The following BAIAP2L1 variants were observed in gnomAD, a reference collection of about 807,000 sequenced individuals.
BAIAP2L1 encodes the protein BAR/IMD domain-containing adapter protein 2-like 1.
In BAIAP2L1, 35 loss-of-function variants were observed where a neutral mutation model predicts 66.3. The ratio of observed to expected loss-of-function variants is 0.53; its 90% CI spans 0.40 to 0.70. The LOEUF is 0.70. Ranked by LOEUF, BAIAP2L1 falls within the 30% of genes least tolerant of loss-of-function variation. The pLI, the probability that BAIAP2L1 is intolerant of heterozygous loss-of-function variation, is 0.00. For missense variants in BAIAP2L1, 622 were observed against 656.9 expected (o/e 0.95, Z 0.58); for synonymous variants, 269 against 248.7 (o/e 1.08, Z -0.77).
intron 3 of BAIAP2L1, among the ~76,000 whole-genome samples, chr7:98,352,315 G>T (rs1272953073): frequency 6.6e-6 from 1 of 152,096 alleles, no homozygotes; most frequent in Non-Finnish European, 1.5e-5. Flanking sequence ...AAATAAAACA[G>T]AAAGTTATTT....
At chr7:98,363,631 G>T (rs1802322491) in intron 1 of BAIAP2L1, among the ~76,000 whole-genome samples, 1 of 152,172 alleles carries the variant, frequency 6.6e-6, no homozygotes, top group Non-Finnish European at 1.5e-5. Context: ...ACGGTACTCA[G>T]ACTTCACGAC....
At chr7:98,352,534 C>T (rs1216654391) in intron 3 of BAIAP2L1, among the ~76,000 whole-genome samples, 1 of 152,060 alleles carries the variant, frequency 6.6e-6, no homozygotes, top group Admixed American at 6.6e-5. Flanking sequence ...CCCAGTTGCT[C>T]AGAAGGCTGA....
At chr7:98,368,908 C>T (rs1331330401) in intron 1 of BAIAP2L1, among the ~76,000 whole-genome samples, 1 of 151,352 alleles carries the variant, frequency 6.6e-6, no homozygotes, top group Non-Finnish European at 1.5e-5. Context: ...TTTGACAATT[C>T]CAAGCAAAGC....
chr7:98,393,021 A>ATGTGTGTGTT (rs1562795720), intron 1 of BAIAP2L1, among the ~76,000 whole-genome samples: 2 of 134,806 alleles, frequency 1.5e-5, no homozygotes, highest in South Asian at 2.5e-4. Context: ...ATATATATAC[A>ATGTGTGTGTT]TACACACATA....
intron 1 of BAIAP2L1, among the ~76,000 whole-genome samples, chr7:98,364,402 C>A (rs1164430277): frequency 6.6e-6 from 1 of 151,884 alleles, no homozygotes; most frequent in African/African-American, 2.4e-5. Context: ...CCGTTTTTCC[C>A]TTGACTTCCT....
At chr7:98,310,689 T>C (rs1452064750) in intron 8 of BAIAP2L1, 97 bp from the exon 9 acceptor site, 19 of 881,718 alleles carry the variant, frequency 2.2e-5, no homozygotes, top group Non-Finnish European at 2.4e-5. Context: ...TAATAGGCTA[T>C]TTATTTATTT....
chr7:98,354,503 T>C (rs774736083), intron 3 of BAIAP2L1, among the ~76,000 whole-genome samples: 1 of 152,154 alleles, frequency 6.6e-6, no homozygotes, highest in Non-Finnish European at 1.5e-5. Context: ...GACAGTGAAG[T>C]GTTCTATAAA....
At chr7:98,352,319 G>C (rs1802017827) in intron 3 of BAIAP2L1, among the ~76,000 whole-genome samples, 1 of 152,162 alleles carries the variant, frequency 6.6e-6, no homozygotes, top group South Asian at 2.1e-4. Flanking sequence ...AAAACAGAAA[G>C]TTATTTCTGT....
At chr7:98,365,707 T>C (rs1431261431) in intron 1 of BAIAP2L1, among the ~76,000 whole-genome samples, 1 of 152,180 alleles carries the variant, frequency 6.6e-6, no homozygotes, top group Non-Finnish European at 1.5e-5. Flanking sequence ...CTAAAACTCC[T>C]GAGCTCAAGC....
Position 98,294,212 on chromosome 7 carries a change from C to T in BAIAP2L1, c.1423-101G>A, listed in dbSNP as rs181707306. On this transcript the variant is annotated intron_variant, in intron 12 of 13. Transcript: ENST00000005260. The stretch of plus-strand genomic sequence containing the variant: ...TTTGCTATGTTGCCCAGGCTGGTTT[C>T]GAACTCCTGAGCTCACGTGATCCTT... 146 of 1,276,188 alleles carry T rather than the reference C, an allele frequency of 1.1e-4. No individual in the cohort carries two copies. In the East Asian group the frequency reaches 2.1e-3, roughly 18 times the overall value. 79.1% of individuals were successfully genotyped at this position (1,276,188 alleles called of 1,614,324 possible).
chr7:98,308,143 C>A (rs923674700), intron 9 of BAIAP2L1: 2 of 633,260 alleles, frequency 3.2e-6, no homozygotes, highest in South Asian at 1.5e-5. Flanking sequence ...CGGCTGCGGG[C>A]TCTTTTCCAG....
chr7:98,397,622 G>A (rs750478436), intron 1 of BAIAP2L1, among the ~76,000 whole-genome samples: 4 of 151,922 alleles, frequency 2.6e-5, no homozygotes, highest in East Asian at 1.9e-4. Context: ...CCACCGCGCC[G>A]GGCCCTACTT....
chr7:98,303,260 C>T (rs1359080809), intron 12 of BAIAP2L1, among the ~76,000 whole-genome samples: 3 of 152,164 alleles, frequency 2.0e-5, no homozygotes, highest in African/African-American at 4.8e-5. Context: ...CACTCCACAC[C>T]TGGGCACCAC....
In BAIAP2L1 at chr7:98,293,416, C is replaced by T. The variant is rs1036937375; in HGVS notation, c.*105G>A. 9.7e-7 allele frequency: 1 copy of T among 1,036,020 alleles called. No homozygotes were observed. Among genetic ancestry groups the T allele is most frequent in the Non-Finnish European group, 1.5e-6 (1 of 673,490 alleles). The allele number at this position is 1,036,020 out of a possible 1,614,324, so 64.2% of individuals were successfully genotyped here. On this transcript the variant is annotated 3_prime_UTR_variant, in exon 14 of 14. Coordinates refer to ENST00000005260, the MANE Select transcript of BAIAP2L1 (RefSeq NM_018842.5). Reference sequence around the variant, plus strand: ...TTAAGCAGGCGACATTAGAGTTAGGCCTCTCCACTGAAGCTTCCCGACCGT... The same window carrying T: ...TTAAGCAGGCGACATTAGAGTTAGGTCTCTCCACTGAAGCTTCCCGACCGT...
chr7:98,385,134 C>A (rs1802856827), intron 1 of BAIAP2L1, among the ~76,000 whole-genome samples: 1 of 151,830 alleles, frequency 6.6e-6, no homozygotes, highest in Admixed American at 6.6e-5. Flanking sequence ...ATGGTGAAAC[C>A]CCATCTCTAC....
Position 98,330,643 on chromosome 7 carries a change from C to T in BAIAP2L1, c.215-10345G>A, listed in dbSNP as rs976337840. Among the ~76,000 whole-genome samples, 7 of 151,690 alleles carry T rather than the reference C, an allele frequency of 4.6e-5. No individual in the cohort carries two copies. In the East Asian group the frequency reaches 1.4e-3, roughly 29 times the overall value. On this transcript the variant is annotated intron_variant, in intron 3 of 13. Transcript: ENST00000005260. ...TTGCATTCCAGCCTGGGTGACAGAG[C>T]AAAACTGTTTCAAAAAAATAATAAT...
chr7:98,366,530 C>A (rs1415840716), intron 1 of BAIAP2L1, among the ~76,000 whole-genome samples: 1 of 152,228 alleles, frequency 6.6e-6, no homozygotes, highest in Non-Finnish European at 1.5e-5. Context: ...CATTTCCTAT[C>A]ACCCCAGATT....
chr7:98,348,474 C>T (rs373993761), intron 3 of BAIAP2L1, among the ~76,000 whole-genome samples: 17 of 149,256 alleles, frequency 1.1e-4, no homozygotes, highest in East Asian at 5.9e-4. Context: ...GGATGCATCA[C>T]GAGAATCGCT....
In BAIAP2L1 at chr7:98,293,672, G is replaced by A. The variant is rs117176414; in HGVS notation, c.1461-76C>T. ...TGGATTTTAACAGTGCTAATAACCCGTTCTTGCCCTGTGAGACTGGGCGGC... is the reference window on the plus strand; with the variant it reads ...TGGATTTTAACAGTGCTAATAACCCATTCTTGCCCTGTGAGACTGGGCGGC... On this transcript the variant is annotated intron_variant, in intron 13 of 13. Transcript: ENST00000005260. 2.4e-3 allele frequency: 3,374 copies of A among 1,429,922 alleles called. 15 individuals carry two copies. Among genetic ancestry groups the A allele is most frequent in the Middle Eastern group, 3.7e-3 (18 of 4,822 alleles). 88.6% of individuals were successfully genotyped at this position (1,429,922 alleles called of 1,614,324 possible).
Sources: gnomAD v4.1 joint callset for allele counts (sites outside exome capture counted in the v4.1 genomes callset) on GRCh38, gnomAD v4.1.1 for gene constraint, MANE v1.5 for transcripts, NCBI Gene and HGNC (gene_info 2026-07-23, HGNC 2026-07-21) for gene names.